Variants in DZANK1 observed in about 807,000 individuals in gnomAD.
DZANK1 encodes the protein double zinc ribbon and ankyrin repeat-containing protein 1.
DZANK1 carries 91 observed loss-of-function variants against 94.5 expected under a neutral mutation model. That is an observed-to-expected ratio of 0.96 (90% CI 0.81 to 1.15). The LOEUF is 1.15. Ranked by LOEUF, DZANK1 falls within the 50% of genes most tolerant of loss-of-function variation. The pLI is 0.00. For synonymous variants in DZANK1, 312 were observed against 325.3 expected, an observed-to-expected ratio of 0.96 and a Z score of 0.44; for missense variants, 903 against 916.4, an observed-to-expected ratio of 0.99 and a Z score of 0.19.
chr20:18,434,545 CAAAAAAAAAAAAAA>C (rs55680576), intron 8 of DZANK1, among the ~76,000 whole-genome samples: 1 of 47,560 alleles, frequency 2.1e-5, no homozygotes, highest in East Asian at 7.6e-4. Context: ...GACTCCTGCT[CAAAAAAAAAAAAAA>C]AAAAAAAAGG....
chr20:18,419,890 C>T (rs371934436), intron 10 of DZANK1, among the ~76,000 whole-genome samples: 7 of 124,894 alleles, frequency 5.6e-5, no homozygotes, highest in Non-Finnish European at 8.5e-5. Context: ...GGTGTAAATA[C>T]AAAAAAAAAA....
chr20:18,455,145 CTG>C, intron 4 of DZANK1, 100 bp downstream of exon 4: 1 of 786,048 alleles, frequency 1.3e-6, no homozygotes, highest in South Asian at 1.7e-5. Flanking sequence ...AAGGACCTGA[CTG>C]TGAGCAGAGG....
At chr20:18,411,093 C>T (rs968164560) in intron 13 of DZANK1, among the ~76,000 whole-genome samples, 3 of 151,646 alleles carry the variant, frequency 2.0e-5, no homozygotes, top group Admixed American at 6.6e-5. Context: ...TGACCTTAAA[C>T]GAGGAAAAGA....
intron 14 of DZANK1, among the ~76,000 whole-genome samples, chr20:18,397,437 C>T (rs548027776): frequency 3.3e-5 from 5 of 152,286 alleles, no homozygotes; most frequent in African/African-American, 4.8e-5. Context: ...GGGACTCTGA[C>T]AGGGTCCGAC....
At chr20:18,448,524 T>A (rs922878248) in intron 7 of DZANK1, among the ~76,000 whole-genome samples, 1 of 152,108 alleles carries the variant, frequency 6.6e-6, no homozygotes, top group African/African-American at 2.4e-5. Flanking sequence ...TAAATACATA[T>A]GCAGTTATTG....
At chr20:18,389,825 C>T in exon 19 of DZANK1, 1 of 1,613,888 alleles carries the variant, frequency 6.2e-7, no homozygotes, top group South Asian at 1.1e-5. Flanking sequence ...TTGGGGTCTG[C>T]TCCCTGCAGC....
chr20:18,453,907 T>C (rs201449940), intron 4 of DZANK1, 80 bp from the exon 5 acceptor site: 49 of 913,072 alleles, frequency 5.4e-5, no homozygotes, highest in Non-Finnish European at 7.0e-5. Flanking sequence ...GAAAGTGTCA[T>C]GGTGTGCATT....
At chr20:18,459,699 C>T (rs1465829050) in intron 3 of DZANK1, among the ~76,000 whole-genome samples, 7 of 151,922 alleles carry the variant, frequency 4.6e-5, no homozygotes, top group Admixed American at 4.6e-4. Flanking sequence ...AGCTAATGTC[C>T]AACAAGTTGA....
chr20:18,397,402 C>T (rs767115315), intron 14 of DZANK1, among the ~76,000 whole-genome samples: 13 of 152,104 alleles, frequency 8.5e-5, no homozygotes. Flanking sequence ...TTTATAATGG[C>T]AATGTAGTAT....
intron 8 of DZANK1, among the ~76,000 whole-genome samples, chr20:18,436,971 T>G (rs1053627872): frequency 2.0e-5 from 3 of 152,090 alleles, no homozygotes; most frequent in African/African-American, 7.2e-5. Context: ...AAATAAACAT[T>G]CTGACGTACA....
intron 13 of DZANK1, among the ~76,000 whole-genome samples, chr20:18,404,129 T>C (rs2056833628): frequency 6.6e-6 from 1 of 152,108 alleles, no homozygotes; most frequent in Admixed American, 6.5e-5. Context: ...ATGAGATTTT[T>C]TTTTTTTTAG....
At chr20:18,399,174 A>G (rs2056530121) in intron 13 of DZANK1, among the ~76,000 whole-genome samples, 1 of 151,688 alleles carries the variant, frequency 6.6e-6, no homozygotes, top group Non-Finnish European at 1.5e-5. Flanking sequence ...ATTGCCACAC[A>G]TGGGGTCTTT....
At chr20:18,405,957 G>A (rs979218773) in intron 13 of DZANK1, among the ~76,000 whole-genome samples, 4 of 152,202 alleles carry the variant, frequency 2.6e-5, no homozygotes, top group South Asian at 4.1e-4. Context: ...AAATAAAGCC[G>A]TGCTGGGCTC....
intron 3 of DZANK1, among the ~76,000 whole-genome samples, chr20:18,459,087 C>A (rs2059387899): frequency 1.3e-5 from 2 of 152,154 alleles, no homozygotes; most frequent in South Asian, 4.1e-4. Context: ...CATTAAATTG[C>A]CTCTTCATTT....
intron 19 of DZANK1, among the ~76,000 whole-genome samples, chr20:18,387,265 T>G (rs1339309004): frequency 6.6e-6 from 1 of 152,160 alleles, no homozygotes; most frequent in Non-Finnish European, 1.5e-5. Flanking sequence ...CATGGGGGGT[T>G]TGCTGGTGGT....
At chr20:18,451,968 A>C (rs2059117308) in intron 6 of DZANK1, 1 of 516,512 alleles carries the variant, frequency 1.9e-6, no homozygotes, top group African/African-American at 1.9e-5. Flanking sequence ...CTTGCCTGCC[A>C]AACAGATACC....
rs751419419 is a variant in DZANK1, at chr20:18,394,363, A to G, written c.1612-13T>C. ...TCAGGTAAAGGTTCTGGCCAATGAA[A>G]ACATTTAAACACCATGAATGATGAG... On this transcript the variant is annotated splice_polypyrimidine_tract_variant and intron_variant, in intron 15 of 20. Coordinates refer to ENST00000262547, the Ensembl canonical transcript of DZANK1. 2.5e-6 allele frequency: 4 copies of G among 1,610,996 alleles called. No individual in the cohort carries two copies. The South Asian group carries it at 4.4e-5, about 18-fold the overall frequency.
At chr20:18,409,912 A>C (rs1335134535) in intron 13 of DZANK1, among the ~76,000 whole-genome samples, 1 of 152,096 alleles carries the variant, frequency 6.6e-6, no homozygotes, top group Non-Finnish European at 1.5e-5. Flanking sequence ...TACTAAAAAC[A>C]CAAAAAATTA....
At chr20:18,418,906 G>A (rs1205511973) in intron 10 of DZANK1, among the ~76,000 whole-genome samples, 1 of 152,206 alleles carries the variant, frequency 6.6e-6, no homozygotes, top group Non-Finnish European at 1.5e-5. Context: ...AAAGGAAAGT[G>A]TAAGTGAACT....
Sources: gnomAD v4.1 joint callset for allele counts (sites outside exome capture counted in the v4.1 genomes callset) on GRCh38, gnomAD v4.1.1 for gene constraint, MANE v1.5 for transcripts, NCBI Gene and HGNC (gene_info 2026-07-23, HGNC 2026-07-21) for gene names.